Variants in PRKG1 observed in about 807,000 individuals in gnomAD.
The protein encoded by PRKG1 is protein kinase cGMP-dependent 1.
In PRKG1, 35 loss-of-function variants were observed where a neutral mutation model predicts 88.1. The observed-to-expected ratio is 0.40, with a 90% CI of 0.30 to 0.53. The LOEUF (loss-of-function observed/expected upper bound fraction) is 0.53. Ranked by LOEUF, PRKG1 falls within the 20% of genes least tolerant of loss-of-function variation. The pLI is 0.59. For missense variants in PRKG1, 540 were observed against 839.8 expected, an observed-to-expected ratio of 0.64 and a Z score of 4.41; for synonymous variants, 303 against 292.5, an observed-to-expected ratio of 1.04 and a Z score of -0.37.
chr10:51,154,176 T>TCTGA (rs1425853348), intron 2 of PRKG1, among the ~76,000 whole-genome samples: 1 of 152,050 alleles, frequency 6.6e-6, no homozygotes, highest in Non-Finnish European at 1.5e-5. Context: ...AGAAGTGGTG[T>TCTGA]ATTTGGGCAA....
At position 52,193,563 on chromosome 10, in the gene PRKG1, C is replaced by CCA. The variant is rs1554816000; in HGVS notation, c.1076+31600_1076+31601insCA. Among the ~76,000 whole-genome samples the CCA allele has an allele frequency of 4.4e-3, 521 of 118,382 alleles. 16 individuals are homozygous for CCA. The highest frequency in any genetic ancestry group is 5.4e-3 in the Non-Finnish European group (320 of 59,062). 77.7% of individuals were successfully genotyped at this position (118,382 alleles called of 152,430 possible). On this transcript the variant is annotated intron_variant, in intron 9 of 17. Transcript: ENST00000373980. ...GACTCTGTCTCAAAAAAAAAAAAAA[C>CCA]AAAAAAAAAAAACAAAAAAAAAACT... is the stretch of plus-strand genomic sequence containing the variant.
chr10:52,132,951 A>G lies in PRKG1; in HGVS notation c.936-889A>G, dbSNP rs141150729. Among the ~76,000 whole-genome samples, 495 of 152,204 alleles carry G rather than the reference A, an allele frequency of 3.3e-3. 2 individuals carry two copies. Among genetic ancestry groups the G allele is most frequent in the African/African-American group, 0.011 (466 of 41,564 alleles). On this transcript the variant is annotated intron_variant, in intron 7 of 17. Coordinates refer to ENST00000373980, the MANE Select transcript of PRKG1 (RefSeq NM_006258.4). ...CAAGTATTTATCCTTTGAGTTACAA[A>G]TAATTCAATTACATTAAGTTATTTA...
chr10:52,251,477 T>A, intron 9 of PRKG1, 93 bp from the exon 10 acceptor site: 1 of 967,880 alleles, frequency 1.0e-6, no homozygotes, highest in Non-Finnish European at 1.6e-6. Context: ...AGGTAAACCC[T>A]GTTCCACAGT....
At chr10:51,395,726 T>C (rs1036891102) in intron 2 of PRKG1, among the ~76,000 whole-genome samples, 12 of 152,170 alleles carry the variant, frequency 7.9e-5, no homozygotes, top group African/African-American at 2.7e-4. Context: ...CCAGCAGTGG[T>C]GCTATATTCT....
Position 51,713,108 on chromosome 10 carries a change from A to G in PRKG1, c.593-91477A>G, listed in dbSNP as rs532702934. On this transcript the variant is annotated intron_variant, in intron 3 of 17. Transcript: ENST00000373980. ...TCATTAAGGAAAATCATTAACTCCT[A>G]AAAGTTCTGCTTTATATTTTTCTGC... is the stretch of plus-strand genomic sequence containing the variant. 9.8e-5 allele frequency among the ~76,000 whole-genome samples: 15 copies of G among 152,298 alleles called. No homozygotes were observed. In the East Asian group the frequency reaches 2.7e-3, roughly 27 times the overall value.
At chr10:51,778,555 A>C (rs1023825879) in intron 3 of PRKG1, among the ~76,000 whole-genome samples, 1 of 152,218 alleles carries the variant, frequency 6.6e-6, no homozygotes, top group African/African-American at 2.4e-5. Flanking sequence ...AATTTTTAAA[A>C]GAAGAGAACA....
At chr10:51,998,330 G>A (rs1174022123) in intron 5 of PRKG1, among the ~76,000 whole-genome samples, 1 of 151,900 alleles carries the variant, frequency 6.6e-6, no homozygotes, top group Non-Finnish European at 1.5e-5. Flanking sequence ...GATTTCGTGT[G>A]GGAGCTCCAT....
rs190105819 is a variant in PRKG1, at chr10:51,521,241, T to C, written c.592+53405T>C. ...AGGCGGAGGTTGCAGTGAGGAAAGATTGTGCCACTCCAGTTTCCAGTCTGG... is the reference window on the plus strand; with the variant it reads ...AGGCGGAGGTTGCAGTGAGGAAAGACTGTGCCACTCCAGTTTCCAGTCTGG... On this transcript the variant is annotated intron_variant, in intron 3 of 17. Transcript: ENST00000373980. Among the ~76,000 whole-genome samples the C allele has an allele frequency of 2.6e-5, 4 of 152,238 alleles. No individual in the cohort carries two copies. The East Asian group carries it at 7.7e-4, about 29-fold the overall frequency.
chr10:52,001,103 G>C (rs957143964), intron 5 of PRKG1, among the ~76,000 whole-genome samples: 2 of 151,816 alleles, frequency 1.3e-5, no homozygotes, highest in African/African-American at 4.8e-5. Context: ...TGCAGTATTT[G>C]TCTTTCTGTG....
Position 51,581,071 on chromosome 10 carries a change from A to G in PRKG1, c.592+113235A>G, listed in dbSNP as rs556497794. 8.5e-4 allele frequency among the ~76,000 whole-genome samples: 130 copies of G among 152,208 alleles called. 1 individual carries two copies. The highest frequency in any genetic ancestry group is 3.1e-3 in the South Asian group (15 of 4,820). ...TGCACTGGATATACCAGCATTTATT[A>G]AGTTTAGTGAGGGCAGGAGTAGGTT... is the stretch of plus-strand genomic sequence containing the variant. On this transcript the variant is annotated intron_variant, in intron 3 of 17. Transcript: ENST00000373980.
intron 1 of PRKG1, among the ~76,000 whole-genome samples, chr10:51,116,287 C>T (rs1264316447): frequency 6.6e-6 from 1 of 152,132 alleles, no homozygotes; most frequent in Non-Finnish European, 1.5e-5. Flanking sequence ...TTTCCTGCCT[C>T]TTGAAGAAGA....
intron 2 of PRKG1, among the ~76,000 whole-genome samples, chr10:51,333,356 T>C (rs1195411760): frequency 6.6e-6 from 1 of 152,240 alleles, no homozygotes; most frequent in African/African-American, 2.4e-5. Flanking sequence ...AAGCACTTTA[T>C]GAATTAACTT....
intron 5 of PRKG1, among the ~76,000 whole-genome samples, chr10:52,029,241 T>C (rs896846107): frequency 3.9e-5 from 6 of 152,202 alleles, no homozygotes; most frequent in Admixed American, 1.3e-4. Context: ...ACACACAGTC[T>C]CTCTTTTCCA....
chr10:52,069,160 C>T (rs376533991), intron 7 of PRKG1, among the ~76,000 whole-genome samples: 6 of 152,300 alleles, frequency 3.9e-5, no homozygotes, highest in African/African-American at 1.2e-4. Flanking sequence ...AGTCTGTGAT[C>T]ATGGAAAAGT....
At chr10:51,488,756 G>C (rs182666171) in intron 3 of PRKG1, among the ~76,000 whole-genome samples, 1 of 152,158 alleles carries the variant, frequency 6.6e-6, no homozygotes, top group Admixed American at 6.6e-5. Flanking sequence ...TGGGAGCCCC[G>C]CAGAGGGCTT....
intron 7 of PRKG1, among the ~76,000 whole-genome samples, chr10:52,089,452 A>G (rs967259308): frequency 6.6e-6 from 1 of 152,176 alleles, no homozygotes; most frequent in African/African-American, 2.4e-5. Flanking sequence ...AGATGTATCA[A>G]GTTGAGATTT....
intron 7 of PRKG1, among the ~76,000 whole-genome samples, chr10:52,066,346 T>C (rs1428397082): frequency 1.3e-5 from 2 of 152,216 alleles, no homozygotes; most frequent in African/African-American, 4.8e-5. Flanking sequence ...CCTCCAGATA[T>C]ATGATTGCAT....
rs190288558 is a variant in PRKG1, at chr10:52,280,041, T to C, written c.1404-748T>C. Among the ~76,000 whole-genome samples the C allele has an allele frequency of 1.8e-4, 28 of 152,248 alleles. No individual in the cohort carries two copies. In the East Asian group the frequency reaches 3.9e-3, roughly 21 times the overall value. ...TCAACATATATATGCCCATATATCA[T>C]ATATATGAGACAGAGAGAGCCTTCT... is the stretch of plus-strand genomic sequence containing the variant. On this transcript the variant is annotated intron_variant, in intron 12 of 17. Coordinates refer to ENST00000373980, the MANE Select transcript of PRKG1 (RefSeq NM_006258.4).
At chr10:51,578,244 A>G (rs1837937935) in intron 3 of PRKG1, among the ~76,000 whole-genome samples, 1 of 152,094 alleles carries the variant, frequency 6.6e-6, no homozygotes, top group Admixed American at 6.6e-5. Flanking sequence ...TGCCTTTTCT[A>G]CTCCTTTAGC....
Sources: gnomAD v4.1 joint callset for allele counts (sites outside exome capture counted in the v4.1 genomes callset) on GRCh38, gnomAD v4.1.1 for gene constraint, MANE v1.5 for transcripts, NCBI Gene and HGNC (gene_info 2026-07-23, HGNC 2026-07-21) for gene names.